Variants in IGDCC4 observed in about 807,000 individuals in gnomAD.
IGDCC4 encodes immunoglobulin superfamily DCC subclass member 4, also known as likely ortholog of mouse neighbor of Punc E11.
In IGDCC4, 72 loss-of-function variants were observed where a neutral mutation model predicts 116.6. The ratio of observed to expected loss-of-function variants is 0.62; its 90% CI spans 0.51 to 0.75. The LOEUF (loss-of-function observed/expected upper bound fraction) is 0.75. Among genes scored for constraint, IGDCC4 ranks in the 30% least tolerant of loss-of-function variants. The pLI is 0.00. For missense variants in IGDCC4, 1,501 were observed against 1,662.4 expected (o/e 0.90, Z 1.69); for synonymous variants, 709 against 719.9 (o/e 0.98, Z 0.24).
chr15:65,387,545 G>A (rs1290206338), intron 16 of IGDCC4, among the ~76,000 whole-genome samples: 2 of 152,148 alleles, frequency 1.3e-5, no homozygotes, highest in East Asian at 3.9e-4. Flanking sequence ...TAGAGACAGA[G>A]TTTCACCGTG....
intron 3 of IGDCC4, among the ~76,000 whole-genome samples, chr15:65,405,431 C>G (rs2063032292): frequency 6.6e-6 from 1 of 152,052 alleles, no homozygotes; most frequent in African/African-American, 2.4e-5. Context: ...CACAGAAGCA[C>G]TGTGACATGC....
Position 65,394,521 on chromosome 15 carries a change from A to C in IGDCC4, c.1604T>G (p.Leu535Arg). The change falls in exon 9 of 20, where the codon CTG (leucine) becomes CGG (arginine). Residue 535 changes from leucine (L) to arginine (R), a missense_variant. Leu to Arg is a moderately radical substitution (Grantham distance 102, BLOSUM62 -2). Around this residue, in one of 3 missense-constraint regions of IGDCC4, gnomAD observed 898 missense variants for 978.9 expected, o/e 0.92. Coordinates refer to ENST00000352385, the MANE Select transcript of IGDCC4 (RefSeq NM_020962.3). ...DVPSAAPQLS[L>R]SSPNPSDIRV... ...GATGTCCGAAGGGTTGGGGCTGGACAGGGAGAGCTGGGGTGCTGCACTGGG... is the reference window on the plus strand; with the variant it reads ...GATGTCCGAAGGGTTGGGGCTGGACCGGGAGAGCTGGGGTGCTGCACTGGG... 1.2e-6 allele frequency: 2 copies of C among 1,610,978 alleles called. No individual in the cohort carries two copies. Among genetic ancestry groups the C allele is most frequent in the Non-Finnish European group, 1.7e-6 (2 of 1,178,258 alleles).
intron 11 of IGDCC4, 36 bp from the exon 12 acceptor site, chr15:65,392,017 C>T: frequency 6.4e-7 from 1 of 1,571,494 alleles, no homozygotes; most frequent in Non-Finnish European, 8.7e-7. Context: ...GCTAGGGGGA[C>T]ATCTGGGGTC....
rs1019645206 is a variant in IGDCC4 at position 65,386,074 on chromosome 15, G to C, written c.2952-15C>G. On this transcript the variant is annotated splice_polypyrimidine_tract_variant and intron_variant, in intron 17 of 19. Coordinates refer to ENST00000352385, the MANE Select transcript of IGDCC4 (RefSeq NM_020962.3). ...GGAGGGATTCCCTGGAAGGGAAGACGGAAAACAAGGCATAGCGGTCAGAGT... is the reference window on the plus strand; with the variant it reads ...GGAGGGATTCCCTGGAAGGGAAGACCGAAAACAAGGCATAGCGGTCAGAGT... 7 of 1,449,070 alleles carry C rather than the reference G, an allele frequency of 4.8e-6. No individual in the cohort carries two copies. The African/African-American group carries it at 8.6e-5, about 18-fold the overall frequency. The allele number at this position is 1,449,070 out of a possible 1,614,324, so 89.8% of individuals were successfully genotyped here. A position where few individuals can be genotyped will look rare whatever the true frequency, so the allele number is the denominator to read the frequency against.
At chr15:65,405,142 G>T in intron 3 of IGDCC4, among the ~76,000 whole-genome samples, 1 of 141,868 alleles carries the variant, frequency 7.0e-6, no homozygotes, top group African/African-American at 2.7e-5. Context: ...GGGGGGGGGA[G>T]TAAAAAAACA....
chr15:65,416,777 C>G (rs2063149228), intron 1 of IGDCC4, among the ~76,000 whole-genome samples: 1 of 152,202 alleles, frequency 6.6e-6, no homozygotes, highest in Non-Finnish European at 1.5e-5. Context: ...AGACACAGAG[C>G]TGCTGCATTT....
rs796336239 is a variant in IGDCC4, at chr15:65,395,681, G to A, written c.1411+69C>T. On this transcript the variant is annotated intron_variant, in intron 7 of 19. Coordinates refer to ENST00000352385, the MANE Select transcript of IGDCC4 (RefSeq NM_020962.3). ...CCATCAGGCAACCCTTCAGTCATCC[G>A]ACCTGAACCCCTTCTGGCTGCGCCC... The A allele has an allele frequency of 9.4e-6, 13 of 1,377,992 alleles. No individual in the cohort carries two copies. The African/African-American group carries it at 1.5e-4, about 16-fold the overall frequency. The allele number at this position is 1,377,992 out of a possible 1,614,324, so 85.4% of individuals were successfully genotyped here. A position where few individuals can be genotyped will look rare whatever the true frequency, so the allele number is the denominator to read the frequency against.
At chr15:65,403,256 T>A (rs1253233228) in intron 3 of IGDCC4, among the ~76,000 whole-genome samples, 1 of 152,208 alleles carries the variant, frequency 6.6e-6, no homozygotes, top group Admixed American at 6.5e-5. Context: ...TGTGTGCTGA[T>A]AGAGGGCCAT....
chr15:65,386,439 G>A (rs2091459285), intron 17 of IGDCC4, 112 bp downstream of exon 17: 9 of 881,390 alleles, frequency 1.0e-5, no homozygotes, highest in Admixed American at 6.0e-5. Flanking sequence ...TGACTTTAAC[G>A]GGGCTCCTGG....
chr15:65,407,802 T>TA (rs1491125570), intron 3 of IGDCC4, among the ~76,000 whole-genome samples: 3 of 34,298 alleles, frequency 8.7e-5, no homozygotes, highest in East Asian at 5.7e-3. Flanking sequence ...AATTTTTGTA[T>TA]TTTTTTTTTT....
At chr15:65,398,051 C>G (rs1046836932) in intron 5 of IGDCC4, among the ~76,000 whole-genome samples, 1 of 152,150 alleles carries the variant, frequency 6.6e-6, no homozygotes, top group African/African-American at 2.4e-5. Context: ...GAAAATAGGA[C>G]TTGGAACTAT....
At position 65,414,961 on chromosome 15, in the gene IGDCC4, G is replaced by GA. The variant is rs201698157; in HGVS notation, c.71-3592dup. Among the ~76,000 whole-genome samples the GA allele has an allele frequency of 9.9e-3, 1,508 of 152,288 alleles. 24 individuals are homozygous for GA. Among genetic ancestry groups the GA allele is most frequent in the African/African-American group, 0.035 (1,440 of 41,548 alleles). On this transcript the variant is annotated intron_variant, in intron 1 of 19. Transcript: ENST00000352385. ...CTGGAAGAGCACATCCAAAGTGCTG[G>GA]AATTACAGGCATGAGCTACCATGCC... is the stretch of plus-strand genomic sequence containing the variant.
At chr15:65,407,776 G>A (rs189460779) in intron 3 of IGDCC4, among the ~76,000 whole-genome samples, 148 of 149,850 alleles carry the variant, frequency 9.9e-4, no homozygotes, top group African/African-American at 3.4e-3. Context: ...ACAGGCATGC[G>A]TCACCACGCC....
Position 65,388,939 on chromosome 15 carries a change from AG to A in IGDCC4, c.2575del (p.Leu859Ter). ...TPPSDLRLSP[L>X]TPSTVRLHWC... Reference sequence around the variant, plus strand: ...GTGCAGCCGAACCGTGGACGGTGTCAGGGGGCTCAGTCGCAGGTCGGATGGG... The same window carrying A: ...GTGCAGCCGAACCGTGGACGGTGTCAGGGGCTCAGTCGCAGGTCGGATGGG... On this transcript the variant is annotated frameshift_variant, in exon 15 of 20. Transcript: ENST00000352385. LOFTEE classifies it high-confidence loss of function. The A allele has an allele frequency of 6.2e-7, 1 of 1,611,976 alleles. No individual in the cohort carries two copies.
At chr15:65,403,627 G>A (rs976509981) in intron 3 of IGDCC4, among the ~76,000 whole-genome samples, 5 of 152,186 alleles carry the variant, frequency 3.3e-5, no homozygotes, top group South Asian at 2.1e-4. Flanking sequence ...GTGAAAACTC[G>A]AACCCAAGTC....
At chr15:65,413,257 A>T (rs2063114934) in intron 1 of IGDCC4, among the ~76,000 whole-genome samples, 1 of 152,064 alleles carries the variant, frequency 6.6e-6, no homozygotes, top group Non-Finnish European at 1.5e-5. Context: ...GGAGGCTCAC[A>T]TGGCTCATTC....
At position 65,384,927 on chromosome 15, in the gene IGDCC4, C is replaced by G. The variant is rs201255774; in HGVS notation, c.3342+27G>C. 6.3e-7 allele frequency: 1 copy of G among 1,588,274 alleles called. No individual in the cohort carries two copies. Among genetic ancestry groups the G allele is most frequent in the Non-Finnish European group, 8.5e-7 (1 of 1,175,114 alleles). ...AAGCACAGAGACCCTTTCCTCCTTTCCTGCCCCTTCCTTCCAGGACGCTGA... is the reference window on the plus strand; with the variant it reads ...AAGCACAGAGACCCTTTCCTCCTTTGCTGCCCCTTCCTTCCAGGACGCTGA... On this transcript the variant is annotated intron_variant, in intron 19 of 19. Transcript: ENST00000352385. The surrounding 1 kb of genome is among the most constrained non-coding windows in gnomAD (Gnocchi z 4.9).
In IGDCC4 at chr15:65,384,670, G is replaced by A. The variant is rs1052603104; in HGVS notation, c.3343-251C>T. On this transcript the variant is annotated intron_variant, in intron 19 of 19. Transcript: ENST00000352385. The surrounding 1 kb of genome is among the most constrained non-coding windows in gnomAD (Gnocchi z 4.9). ...AGGGCCTCTGGGGACAGGAGGAAGG[G>A]CTGAGCGTACTCAGGCCAGCCACAC... Among the ~76,000 whole-genome samples, 3 of 152,160 alleles carry A rather than the reference G, an allele frequency of 2.0e-5. No homozygotes were observed. The highest frequency in any genetic ancestry group is 4.4e-5 in the Non-Finnish European group (3 of 68,018).
rs1304919576 is a variant in IGDCC4 at position 65,396,226 on chromosome 15, CA to C, written c.998-64del. On this transcript the variant is annotated intron_variant, in intron 6 of 19. Transcript: ENST00000352385. ...GCAACTAAGGTCTCTGCCCCCCCCCCAGTACCCCAAGCCTGCCCCCCACCGC... is the reference window on the plus strand; with the variant it reads ...GCAACTAAGGTCTCTGCCCCCCCCCCGTACCCCAAGCCTGCCCCCCACCGC... 21 of 1,374,718 alleles carry C rather than the reference CA, an allele frequency of 1.5e-5. No individual in the cohort carries two copies. The Middle Eastern group carries it at 7.9e-4, about 51-fold the overall frequency. 85.2% of individuals were successfully genotyped at this position (1,374,718 alleles called of 1,614,324 possible).
Sources: gnomAD v4.1 joint callset for allele counts (sites outside exome capture counted in the v4.1 genomes callset) on GRCh38, gnomAD v4.1.1 for gene constraint, gnomAD v4.1.1 regional missense constraint, Gnocchi (gnomAD v3.1) non-coding constraint, MANE v1.5 for transcripts, NCBI Gene and HGNC (gene_info 2026-07-23, HGNC 2026-07-21) for gene names.